The following LTBP1 variants were observed in gnomAD, a reference collection of about 807,000 sequenced individuals.
The protein encoded by LTBP1 is latent transforming growth factor beta binding protein 1.
LTBP1 carries 129 observed loss-of-function variants against 207.6 expected under a neutral mutation model. The ratio of observed to expected loss-of-function variants is 0.62; its 90% CI spans 0.54 to 0.72. The LOEUF is 0.72. Among genes scored for constraint, LTBP1 ranks in the 30% least tolerant of loss-of-function variants. The pLI, the probability that LTBP1 is intolerant of heterozygous loss-of-function variation, is 0.00. For missense variants in LTBP1, 2,281 were observed against 2,217.2 expected (o/e 1.03, Z -0.58); for synonymous variants, 963 against 833.7 (o/e 1.16, Z -2.67).
At chr2:33,313,002 T>G (rs1255818235) in intron 23 of LTBP1, among the ~76,000 whole-genome samples, 2 of 152,188 alleles carry the variant, frequency 1.3e-5, no homozygotes, top group African/African-American at 4.8e-5. Flanking sequence ...AGAGTGGATC[T>G]GAGGACCAAA....
chr2:33,378,122 G>A (rs1034195986), intron 31 of LTBP1, among the ~76,000 whole-genome samples: 1 of 151,462 alleles, frequency 6.6e-6, no homozygotes, highest in Non-Finnish European at 1.5e-5. Context: ...TTCTAGAATC[G>A]CCCATTCAGT....
At chr2:33,389,413 C>T (rs907571779) in intron 32 of LTBP1, 107 bp downstream of exon 32, 4 of 1,441,098 alleles carry the variant, frequency 2.8e-6, no homozygotes, top group Non-Finnish European at 3.8e-6. Context: ...TTTCTGGTCC[C>T]ACCCCAGACC....
intron 2 of LTBP1, among the ~76,000 whole-genome samples, chr2:33,003,600 T>C (rs577443745): frequency 2.0e-5 from 3 of 152,278 alleles, no homozygotes; most frequent in South Asian, 4.1e-4. Flanking sequence ...AATGGGTATA[T>C]TGAGTCAGAA....
chr2:33,342,666 A>T lies in LTBP1; in HGVS notation c.3731-172A>T, dbSNP rs114761545. The stretch of plus-strand genomic sequence containing the variant: ...TTTGGCTGTTAAACCATTTTCATCA[A>T]AACATTTTATTTATATGTAAAATAT... On this transcript the variant is annotated intron_variant, in intron 24 of 33. Transcript: ENST00000404816. 7.9e-3 allele frequency among the ~76,000 whole-genome samples: 1,198 copies of T among 152,354 alleles called. 6 individuals carry two copies. The highest frequency in any genetic ancestry group is 0.012 in the Non-Finnish European group (817 of 68,040).
At chr2:33,170,595 A>G (rs1303028598) in intron 5 of LTBP1, among the ~76,000 whole-genome samples, 2 of 152,212 alleles carry the variant, frequency 1.3e-5, no homozygotes, top group African/African-American at 2.4e-5. Flanking sequence ...CAGACAAACA[A>G]AAAGACAGCA....
chr2:33,328,827 T>G (rs1290939062), intron 24 of LTBP1, among the ~76,000 whole-genome samples: 1 of 152,230 alleles, frequency 6.6e-6, no homozygotes, highest in East Asian at 1.9e-4. Flanking sequence ...CAACATTGCA[T>G]TTGTAAGCTT....
chr2:33,236,063 A>G (rs909129704), intron 9 of LTBP1, among the ~76,000 whole-genome samples: 4 of 152,218 alleles, frequency 2.6e-5, no homozygotes, highest in Non-Finnish European at 4.4e-5. Flanking sequence ...TTTAAAAAAG[A>G]TGAAACTTAG....
At position 32,947,383 on chromosome 2, in the gene LTBP1, C is replaced by T. The variant is rs1195262586; in HGVS notation, c.59C>T (p.Ser20Leu). ...CTCTGGGCAGGGCTCCTCGCGTCCT[C>T]GGCGCACGGCCGGCTGCGGAGGATC... ...LLLWAGLLAS[S>L]AHGRLRRITY... Residue 20 changes from serine (S) to leucine (L), a missense_variant, in exon 1 of 34, where the codon TCG becomes TTG. Ser to Leu is a moderately radical substitution (Grantham distance 145). This residue lies in a region of LTBP1 where 555 missense variants were observed against 491.0 expected (regional missense o/e 1.13). Transcript: ENST00000404816. 2.9e-6 allele frequency: 4 copies of T among 1,374,526 alleles called. No individual in the cohort carries two copies. The highest frequency in any genetic ancestry group is 3.8e-6 in the Non-Finnish European group (4 of 1,064,824). 85.1% of individuals were successfully genotyped at this position (1,374,526 alleles called of 1,614,324 possible). A position where few individuals can be genotyped will look rare whatever the true frequency, so the allele number is the denominator to read the frequency against.
chr2:33,356,066 G>A (rs555781257), intron 26 of LTBP1, among the ~76,000 whole-genome samples: 4 of 152,046 alleles, frequency 2.6e-5, no homozygotes, highest in Admixed American at 6.5e-5. Context: ...ACCAATCACC[G>A]AGACCACAAG....
chr2:33,002,821 G>A (rs942989681), intron 2 of LTBP1, among the ~76,000 whole-genome samples: 4 of 152,064 alleles, frequency 2.6e-5, no homozygotes, highest in African/African-American at 7.2e-5. Context: ...GGGACTACAG[G>A]TTCATGCCAC....
intron 2 of LTBP1, among the ~76,000 whole-genome samples, chr2:32,981,404 TC>T (rs1383109200): frequency 6.6e-6 from 1 of 152,228 alleles, no homozygotes; most frequent in African/African-American, 2.4e-5. Context: ...TATTTGCCTG[TC>T]TGTTTGTCCA....
At chr2:33,114,733 T>C (rs1173837395) in intron 4 of LTBP1, among the ~76,000 whole-genome samples, 2 of 152,238 alleles carry the variant, frequency 1.3e-5, no homozygotes, top group African/African-American at 4.8e-5. Context: ...ATGTTACTCC[T>C]GGTTGCTTAT....
Position 33,279,336 on chromosome 2 carries a change from A to G in LTBP1, c.2993-703A>G, listed in dbSNP as rs529962962. On this transcript the variant is annotated intron_variant, in intron 18 of 33. Transcript: ENST00000404816. ...TAGTTATCTCCTCACAGACTTAACC[A>G]TATTTTAGGAGATTTTTTTCTCCCC... 2.5e-3 allele frequency among the ~76,000 whole-genome samples: 387 copies of G among 152,358 alleles called. 2 individuals are homozygous for G. The highest frequency in any genetic ancestry group is 8.9e-3 in the African/African-American group (369 of 41,584).
chr2:33,368,156 G>A (rs547749324), intron 31 of LTBP1, among the ~76,000 whole-genome samples: 54 of 151,994 alleles, frequency 3.6e-4, no homozygotes, highest in African/African-American at 1.2e-3. Context: ...GCAGTGAGCC[G>A]AGATCGCGCC....
intron 9 of LTBP1, among the ~76,000 whole-genome samples, chr2:33,225,531 T>C (rs2091383977): frequency 6.6e-6 from 1 of 152,146 alleles, no homozygotes; most frequent in Non-Finnish European, 1.5e-5. Flanking sequence ...GGAACACCTA[T>C]ATTTAAAACC....
chr2:33,330,675 T>A (rs1028230909), intron 24 of LTBP1, among the ~76,000 whole-genome samples: 2 of 151,874 alleles, frequency 1.3e-5, no homozygotes, highest in Non-Finnish European at 2.9e-5. Context: ...TAAAACAAGA[T>A]AAAAATTTGT....
intron 4 of LTBP1, among the ~76,000 whole-genome samples, chr2:33,127,306 G>A (rs370622394): frequency 1.7e-4 from 26 of 152,246 alleles, no homozygotes; most frequent in South Asian, 1.2e-3. Flanking sequence ...CTGCCTCGGT[G>A]TCGGAAGAAA....
At chr2:33,320,587 G>T (rs1053793039) in intron 24 of LTBP1, among the ~76,000 whole-genome samples, 26 of 152,076 alleles carry the variant, frequency 1.7e-4, no homozygotes, top group African/African-American at 5.8e-4. Context: ...GTTCAAACTG[G>T]TCTTCTACTG....
chr2:33,067,689 A>C (rs1473040050), intron 3 of LTBP1, among the ~76,000 whole-genome samples: 1 of 152,218 alleles, frequency 6.6e-6, no homozygotes, highest in African/African-American at 2.4e-5. Context: ...ATTATTTAAA[A>C]TATACAAGAG....
Sources: gnomAD v4.1 joint callset for allele counts (sites outside exome capture counted in the v4.1 genomes callset) on GRCh38, gnomAD v4.1.1 for gene constraint, gnomAD v4.1.1 regional missense constraint, MANE v1.5 for transcripts, NCBI Gene and HGNC (gene_info 2026-07-23, HGNC 2026-07-21) for gene names.